The following SOX5 variants were observed in gnomAD, a reference collection of about 807,000 sequenced individuals.
SOX5 encodes the protein transcription factor SOX-5.
A neutral mutation model predicts 92.0 loss-of-function variants in SOX5; 9 were observed. That is an observed-to-expected ratio of 0.10 (90% CI 0.06 to 0.17). SOX5 has a LOEUF of 0.17. Ranked by LOEUF, SOX5 falls within the 10% of genes least tolerant of loss-of-function variation. The pLI is 1.00. For synonymous variants in SOX5, 344 were observed against 336.3 expected, an observed-to-expected ratio of 1.02 and a Z score of -0.25; for missense variants, 642 against 944.5, an observed-to-expected ratio of 0.68 and a Z score of 4.20.
intron 4 of SOX5, among the ~76,000 whole-genome samples, chr12:24,084,225 A>C (rs1943698490): frequency 6.6e-6 from 1 of 152,102 alleles, no homozygotes; most frequent in Non-Finnish European, 1.5e-5. Flanking sequence ...CAGTGGAGAA[A>C]GAAGAGCAGT....
chr12:23,943,594 A>G (rs986973674), intron 1 of SOX5, among the ~76,000 whole-genome samples: 1 of 152,124 alleles, frequency 6.6e-6, no homozygotes, highest in Non-Finnish European at 1.5e-5. Flanking sequence ...AACACATACT[A>G]CAAAAATGCT....
intron 2 of SOX5, among the ~76,000 whole-genome samples, chr12:24,307,833 A>T (rs966633340): frequency 1.5e-4 from 22 of 151,062 alleles, no homozygotes; most frequent in Non-Finnish European, 3.0e-5. Context: ...TTCAAGCCTC[A>T]TTCTCTTTCT....
chr12:24,040,320 A>C (rs1956400188), intron 4 of SOX5, among the ~76,000 whole-genome samples: 2 of 152,206 alleles, frequency 1.3e-5, no homozygotes, highest in South Asian at 4.1e-4. Flanking sequence ...TTTCTAAACT[A>C]TTAAATGGTT....
intron 1 of SOX5, among the ~76,000 whole-genome samples, chr12:24,530,614 C>T (rs1597658534): frequency 6.6e-6 from 1 of 151,630 alleles, no homozygotes; most frequent in East Asian, 1.9e-4. Context: ...GATTGCACCA[C>T]TGCACTTCAG....
intron 1 of SOX5, among the ~76,000 whole-genome samples, chr12:24,544,589 G>A (rs1388531990): frequency 6.6e-6 from 1 of 151,984 alleles, no homozygotes; most frequent in Non-Finnish European, 1.5e-5. Context: ...TTATGACCCT[G>A]GCTAATGCAA....
intron 12 of SOX5, among the ~76,000 whole-genome samples, chr12:23,543,975 G>T (rs1026160594): frequency 1.3e-5 from 2 of 152,174 alleles, no homozygotes; most frequent in African/African-American, 4.8e-5. Context: ...CATGACATAT[G>T]CTGATACAGC....
intron 8 of SOX5, among the ~76,000 whole-genome samples, chr12:23,625,702 TG>T (rs751933070): frequency 2.0e-5 from 3 of 152,146 alleles, no homozygotes; most frequent in Admixed American, 6.5e-5. Flanking sequence ...CTCTGCGTCC[TG>T]GGTTCAAATG....
At chr12:23,608,447 A>G (rs2075550792) in intron 8 of SOX5, among the ~76,000 whole-genome samples, 1 of 152,202 alleles carries the variant, frequency 6.6e-6, no homozygotes, top group Non-Finnish European at 1.5e-5. Flanking sequence ...CCTGGTACTC[A>G]AAGTTCATAA....
chr12:24,234,446 C>T (rs913363521), intron 3 of SOX5, among the ~76,000 whole-genome samples: 4 of 152,180 alleles, frequency 2.6e-5, no homozygotes, highest in Non-Finnish European at 5.9e-5. Context: ...GGCACAATCT[C>T]GGTTCACTGC....
chr12:23,610,411 A>G (rs1404650241), intron 8 of SOX5, among the ~76,000 whole-genome samples: 1 of 152,148 alleles, frequency 6.6e-6, no homozygotes, highest in Non-Finnish European at 1.5e-5. Flanking sequence ...ATCAAGATTT[A>G]TTGCCCCAAA....
chr12:24,424,618 A>G (rs996979581), intron 1 of SOX5, among the ~76,000 whole-genome samples: 2 of 152,028 alleles, frequency 1.3e-5, no homozygotes, highest in Non-Finnish European at 2.9e-5. Flanking sequence ...ACTGCTAAAA[A>G]TCTGTTGTAA....
chr12:23,889,764 T>A (rs1191724568), intron 2 of SOX5, among the ~76,000 whole-genome samples: 3 of 152,196 alleles, frequency 2.0e-5, no homozygotes, highest in Non-Finnish European at 4.4e-5. Context: ...ACGGTGAATG[T>A]TGCTTTATGA....
intron 4 of SOX5, among the ~76,000 whole-genome samples, chr12:23,998,483 G>A (rs1476746331): frequency 2.6e-5 from 4 of 151,916 alleles, no homozygotes; most frequent in Non-Finnish European, 5.9e-5. Flanking sequence ...TGAATAATGG[G>A]AGTCTCAGAA....
At chr12:24,554,324 G>A (rs921140015) in intron 1 of SOX5, among the ~76,000 whole-genome samples, 1 of 152,140 alleles carries the variant, frequency 6.6e-6, no homozygotes, top group Non-Finnish European at 1.5e-5. Context: ...TTAGTGAGAG[G>A]TGCCATCTAG....
At chr12:24,559,622 T>C (rs1954143289) in intron 1 of SOX5, among the ~76,000 whole-genome samples, 1 of 152,168 alleles carries the variant, frequency 6.6e-6, no homozygotes, top group Non-Finnish European at 1.5e-5. Flanking sequence ...AGCATTTAAA[T>C]TCATTCCTTT....
chr12:24,419,433 C>A (rs1965569979), intron 1 of SOX5, among the ~76,000 whole-genome samples: 1 of 152,176 alleles, frequency 6.6e-6, no homozygotes, highest in East Asian at 1.9e-4. Context: ...AGCCGCCATG[C>A]ACAGCCGAGT....
At chr12:23,708,901 C>T (rs11047057) in intron 6 of SOX5, among the ~76,000 whole-genome samples, 11,438 of 151,960 alleles carry the variant, frequency 0.075, 511 homozygotes, top group Non-Finnish European at 0.099. Flanking sequence ...GGTATTTCAG[C>T]GACTGAATGT....
intron 7 of SOX5, among the ~76,000 whole-genome samples, chr12:23,663,044 C>T (rs930764978): frequency 6.6e-6 from 1 of 152,116 alleles, no homozygotes; most frequent in Non-Finnish European, 1.5e-5. Context: ...AATTTCTTCT[C>T]CTACCTCTAT....
At chr12:23,557,142 T>G (rs1214670379) in intron 11 of SOX5, among the ~76,000 whole-genome samples, 1 of 152,116 alleles carries the variant, frequency 6.6e-6, no homozygotes, top group Non-Finnish European at 1.5e-5. Context: ...ATGGACGAGT[T>G]TCCAAGTGCC....
Sources: allele counts gnomAD v4.1 joint callset (sites outside exome capture counted in the v4.1 genomes callset), GRCh38; gene constraint gnomAD v4.1.1; transcripts MANE v1.5; gene names NCBI Gene and HGNC (gene_info 2026-07-23, HGNC 2026-07-21).